Variants in ABCE1 observed in about 807,000 individuals in gnomAD.
ABCE1 encodes the protein ATP-binding cassette sub-family E member 1.
ABCE1 carries 22 observed loss-of-function variants against 83.4 expected under a neutral mutation model. The observed-to-expected ratio is 0.26, with a 90% CI of 0.19 to 0.38. ABCE1 has a LOEUF of 0.38. ABCE1 is among the 10% of genes least tolerant of loss of function. ABCE1 has a pLI of 1.00. For missense variants in ABCE1, 330 were observed against 721.9 expected (o/e 0.46, Z 6.22); for synonymous variants, 204 against 233.7 (o/e 0.87, Z 1.16).
intron 9 of ABCE1, among the ~76,000 whole-genome samples, chr4:145,114,134 G>A (rs997175842): frequency 6.6e-6 from 1 of 151,718 alleles, no homozygotes; most frequent in African/African-American, 2.4e-5. Flanking sequence ...ACAATCTCAT[G>A]TGAGCCAAAT....
intron 9 of ABCE1, 95 bp downstream of exon 9, chr4:145,112,423 A>C (rs189681323): frequency 1.2e-6 from 1 of 865,404 alleles, no homozygotes; most frequent in Non-Finnish European, 1.8e-6. Flanking sequence ...TGTGATGTAC[A>C]TATTTTTTAT....
chr4:145,105,574 A>G (rs1749279323), intron 2 of ABCE1, 31 bp from the exon 3 acceptor site: 1 of 1,472,036 alleles, frequency 6.8e-7, no homozygotes, highest in Non-Finnish European at 9.4e-7. Context: ...GATCAAAGGA[A>G]ATGGCTTAAT....
At chr4:145,127,488 G>A (rs766905065) in intron 17 of ABCE1, 38 bp from the exon 18 acceptor site, 19 of 1,557,426 alleles carry the variant, frequency 1.2e-5, no homozygotes, top group African/African-American at 8.4e-5. Context: ...TAGTAGAATC[G>A]TGTTGCTGAT....
Position 145,121,391 on chromosome 4 carries a change from T to G in ABCE1, c.1263T>G (p.Thr421=), listed in dbSNP as rs1695054561. The G allele has an allele frequency of 6.2e-7, 1 of 1,608,258 alleles. No homozygotes were observed. The highest frequency in any genetic ancestry group is 1.7e-5 in the Admixed American group (1 of 59,478). ...CACAGAAAATTAGTCCCAAATCAAC[T>G]GTGAGTTATTATTTTTTATATGGTT... ...YKPQKISPKS[T]GSVRQLLHEK... The change falls in exon 13 of 18, where the codon ACT becomes ACG. Residue 421 remains threonine, a splice_region_variant and synonymous_variant. Coordinates refer to ENST00000296577, the MANE Select transcript of ABCE1 (RefSeq NM_002940.3).
chr4:145,123,720 C>T (rs559371650), intron 16 of ABCE1, 120 bp downstream of exon 16: 1 of 1,011,518 alleles, frequency 9.9e-7, no homozygotes, highest in South Asian at 1.7e-5. Flanking sequence ...GATTCTGTGA[C>T]TCCTGAGATC....
chr4:145,109,786 T>C (rs553828645), intron 5 of ABCE1, among the ~76,000 whole-genome samples: 27 of 152,320 alleles, frequency 1.8e-4, no homozygotes, highest in Non-Finnish European at 3.7e-4. Flanking sequence ...CAGAAAGATA[T>C]CTTGGATACC....
rs1225778553 is a variant in ABCE1, at chr4:145,104,421, C to G, written c.9C>G (p.Asp3Glu). MA[D>E]KLTRIAIVNH... ...TATTCTTTCGCCCAGTTATGGCAGACAAGTTAACGAGAATTGCTATTGTCA... is the reference window on the plus strand; with the variant it reads ...TATTCTTTCGCCCAGTTATGGCAGAGAAGTTAACGAGAATTGCTATTGTCA... Residue 3 changes from aspartate to glutamate, a missense_variant, in exon 2 of 18, where the codon GAC (aspartate) becomes GAG (glutamate). Physicochemically the swap from Asp to Glu is conservative, Grantham distance 45 (BLOSUM62 2). Transcript: ENST00000296577. 1 of 1,597,338 alleles carries G rather than the reference C, an allele frequency of 6.3e-7. No individual in the cohort carries two copies. The highest frequency in any genetic ancestry group is 8.5e-7 in the Non-Finnish European group (1 of 1,172,314).
In ABCE1 at chr4:145,123,253, T is replaced by C; in HGVS notation, c.1413T>C (p.Ala471=). ...CTGGTGGTGAACTACAGCGAGTAGC[T>C]TTAGCCCTTTGCTTGGGCAAACCTG... ...TLSGGELQRV[A]LALCLGKPAD... is the part of the protein sequence containing the mutation. Residue 471 remains alanine, a synonymous_variant, in exon 15 of 18, where the codon GCT becomes GCC. Coordinates refer to ENST00000296577, the MANE Select transcript of ABCE1 (RefSeq NM_002940.3). 1.2e-6 allele frequency: 2 copies of C among 1,612,364 alleles called. No homozygotes were observed. Among genetic ancestry groups the C allele is most frequent in the Non-Finnish European group, 1.7e-6 (2 of 1,179,348 alleles).
chr4:145,100,433 G>A (rs1233819461), intron 1 of ABCE1, among the ~76,000 whole-genome samples: 2 of 152,194 alleles, frequency 1.3e-5, no homozygotes, highest in Non-Finnish European at 2.9e-5. Flanking sequence ...CAGAAATAAA[G>A]TTTAAGCAAT....
At chr4:145,099,960 TA>T (rs1188439799) in intron 1 of ABCE1, among the ~76,000 whole-genome samples, 1 of 152,238 alleles carries the variant, frequency 6.6e-6, no homozygotes, top group Non-Finnish European at 1.5e-5. Flanking sequence ...AGGAGCCTGT[TA>T]ACTATAATCT....
Position 145,105,633 on chromosome 4 carries a change from G to C in ABCE1, c.132G>C (p.Gln44His), listed in dbSNP as rs748937474. Reference sequence around the variant, plus strand: ...AATTATGCATAGAGGTTACACCCCAGAGCAAAATAGCATGGATTTCCGAAA... The same window carrying C: ...AATTATGCATAGAGGTTACACCCCACAGCAAAATAGCATGGATTTCCGAAA... ...MGKLCIEVTP[Q>H]SKIAWISETL... Residue 44 changes from glutamine to histidine, a missense_variant, in exon 3 of 18, where the codon CAG becomes CAC. Transcript: ENST00000296577. The C allele has an allele frequency of 1.2e-6, 2 of 1,608,062 alleles. No individual in the cohort carries two copies. The highest frequency in any genetic ancestry group is 1.7e-6 in the Non-Finnish European group (2 of 1,176,104).
chr4:145,125,297 A>T (rs999626496), intron 17 of ABCE1, among the ~76,000 whole-genome samples, 196 bp downstream of exon 17: 38 of 152,022 alleles, frequency 2.5e-4, no homozygotes, highest in African/African-American at 4.6e-4. Flanking sequence ...GTGCAACCCC[A>T]TCTCTACTAA....
At chr4:145,112,988 T>C (rs1749521611) in intron 9 of ABCE1, among the ~76,000 whole-genome samples, 1 of 152,206 alleles carries the variant, frequency 6.6e-6, no homozygotes, top group Non-Finnish European at 1.5e-5. Flanking sequence ...TGTGTTATAC[T>C]GCCTCTTCTG....
intron 1 of ABCE1, among the ~76,000 whole-genome samples, chr4:145,100,340 C>T (rs1336731212): frequency 6.6e-6 from 1 of 152,142 alleles, no homozygotes; most frequent in Non-Finnish European, 1.5e-5. Flanking sequence ...ATAGCAAGAT[C>T]CCTGTGTCTT....
rs200850459 is a variant in ABCE1, at chr4:145,100,748, A to AT, written c.-28+2339dup. Among the ~76,000 whole-genome samples, 340 of 150,478 alleles carry AT rather than the reference A, an allele frequency of 2.3e-3. 1 individual carries two copies. The highest frequency in any genetic ancestry group is 3.4e-3 in the Middle Eastern group (1 of 292). Reference sequence around the variant, plus strand: ...TGAACATTTAGTCTCCTTTTGAATGATTTTTTTTTTCAGTATGTAGTTTAG... The same window carrying AT: ...TGAACATTTAGTCTCCTTTTGAATGATTTTTTTTTTTCAGTATGTAGTTTAG... On this transcript the variant is annotated intron_variant, in intron 1 of 17. Transcript: ENST00000296577.
Position 145,123,145 on chromosome 4 carries a change from A to G in ABCE1, c.1374+14A>G, listed in dbSNP as rs779074055. On this transcript the variant is annotated intron_variant, in intron 14 of 17. Transcript: ENST00000296577. ...ATTGATCAAGAGGTACTTTAACATA[A>G]TTTTTTTTATTTTTTTATTATTTTG... 1.9e-6 allele frequency: 3 copies of G among 1,574,948 alleles called. No homozygotes were observed. The highest frequency in any genetic ancestry group is 2.0e-4 in the Middle Eastern group (1 of 4,938).
rs1280755333 is a variant in ABCE1, at chr4:145,121,361, T to C, written c.1233T>C (p.Tyr411=). The change falls in exon 13 of 18, where the codon TAT becomes TAC. Residue 411 remains tyrosine, a synonymous_variant. Transcript: ENST00000296577. The part of the protein sequence containing the change: ...GGEVPVLNVS[Y]KPQKISPKST... ...AAGTACCAGTTCTAAATGTCAGTTA[T>C]AAGCCACAGAAAATTAGTCCCAAAT... 1.1e-5 allele frequency: 17 copies of C among 1,613,140 alleles called. No individual in the cohort carries two copies. In the Admixed American group the frequency reaches 1.3e-4, roughly 13 times the overall value.
intron 3 of ABCE1, 71 bp from the exon 4 acceptor site, chr4:145,107,944 T>G (rs1749352475): frequency 8.7e-7 from 1 of 1,142,950 alleles, no homozygotes. Flanking sequence ...AAAAATATTT[T>G]TAATCCATTT....
At chr4:145,117,125 A>G (rs1749627722) in intron 9 of ABCE1, among the ~76,000 whole-genome samples, 168 bp from the exon 10 acceptor site, 1 of 151,966 alleles carries the variant, frequency 6.6e-6, no homozygotes, top group South Asian at 2.1e-4. Flanking sequence ...TCAGGAAAAC[A>G]TTTTTAAATA....
Sources: gnomAD v4.1 joint callset for allele counts (sites outside exome capture counted in the v4.1 genomes callset) on GRCh38, gnomAD v4.1.1 for gene constraint, MANE v1.5 for transcripts, NCBI Gene and HGNC (gene_info 2026-07-23, HGNC 2026-07-21) for gene names.